The following GRIN2A variants were observed in gnomAD, a reference collection of about 807,000 sequenced individuals.
GRIN2A encodes the protein glutamate ionotropic receptor NMDA type subunit 2A, also known as glutamate receptor ionotropic, NMDA 2A.
Under a neutral mutation model 113.4 loss-of-function variants are expected in GRIN2A, and 22 were observed. That is an observed-to-expected ratio of 0.19 (90% confidence interval 0.14 to 0.28). GRIN2A has a LOEUF of 0.28. Ranked by LOEUF, GRIN2A falls within the 10% of genes least tolerant of loss-of-function variation. The probability of loss-of-function intolerance (pLI) is 1.00; values close to 1 mark genes in which losing one functional copy is unlikely to be tolerated. For synonymous variants in GRIN2A, 827 were observed against 738.4 expected, an observed-to-expected ratio of 1.12 and a Z score of -1.94; for missense variants, 1,502 against 1,887.0, an observed-to-expected ratio of 0.80 and a Z score of 3.78.
chr16:9,806,848 G>A (rs2041979058), intron 10 of GRIN2A, among the ~76,000 whole-genome samples: 1 of 152,046 alleles, frequency 6.6e-6, no homozygotes, highest in African/African-American at 2.4e-5. Context: ...GTTTGTCTGT[G>A]TGCCCACCCA....
chr16:10,109,692 T>G (rs12918566), intron 2 of GRIN2A, among the ~76,000 whole-genome samples: 99,624 of 150,352 alleles, frequency 0.66, 34,056 homozygotes, highest in Admixed American at 0.75. Context: ...GGCACAACAG[T>G]GTGACTATAG....
chr16:10,143,620 A>G (rs1194803489), intron 2 of GRIN2A, among the ~76,000 whole-genome samples: 1 of 152,196 alleles, frequency 6.6e-6, no homozygotes, highest in Non-Finnish European at 1.5e-5. Context: ...TGAGATTTGC[A>G]TTAAAATAAT....
At chr16:9,884,234 C>A (rs528139276) in intron 4 of GRIN2A, among the ~76,000 whole-genome samples, 3 of 152,094 alleles carry the variant, frequency 2.0e-5, no homozygotes, top group Non-Finnish European at 4.4e-5. Flanking sequence ...TATGCATAAA[C>A]ACACATATAT....
At chr16:10,076,110 C>G (rs547141201) in intron 2 of GRIN2A, among the ~76,000 whole-genome samples, 12 of 152,292 alleles carry the variant, frequency 7.9e-5, no homozygotes, top group African/African-American at 2.6e-4. Flanking sequence ...GGACATAGGG[C>G]TAACCAGACC....
intron 2 of GRIN2A, among the ~76,000 whole-genome samples, chr16:9,998,993 G>C (rs548563241): frequency 6.6e-6 from 1 of 152,154 alleles, no homozygotes; most frequent in African/African-American, 2.4e-5. Flanking sequence ...TCAGCTCAGA[G>C]CCAATGGAAG....
chr16:9,971,366 G>A (rs929165630), intron 2 of GRIN2A, among the ~76,000 whole-genome samples: 2 of 152,164 alleles, frequency 1.3e-5, no homozygotes, highest in Non-Finnish European at 2.9e-5. Flanking sequence ...AGTGAGCTAC[G>A]CCCCCAAGCC....
At chr16:10,114,180 G>A (rs1051954864) in intron 2 of GRIN2A, among the ~76,000 whole-genome samples, 2 of 152,098 alleles carry the variant, frequency 1.3e-5, no homozygotes. Flanking sequence ...AACAGAGCAA[G>A]ACCCTGCCTC....
At chr16:9,957,288 C>T (rs1376350736) in intron 2 of GRIN2A, among the ~76,000 whole-genome samples, 1 of 152,100 alleles carries the variant, frequency 6.6e-6, no homozygotes, top group African/African-American at 2.4e-5. Flanking sequence ...AAGGGAGCTG[C>T]CCATGTTCAG....
intron 2 of GRIN2A, among the ~76,000 whole-genome samples, chr16:10,079,976 C>T (rs2047948142): frequency 6.6e-6 from 1 of 152,204 alleles, no homozygotes; most frequent in Non-Finnish European, 1.5e-5. Flanking sequence ...ACCCTCTGTG[C>T]AATGCTGCTC....
chr16:9,764,405 T>C lies in GRIN2A; in HGVS notation c.3139A>G (p.Lys1047Glu), dbSNP rs1555482653. 1 of 1,614,008 alleles carries C rather than the reference T, an allele frequency of 6.2e-7. No individual in the cohort carries two copies. Among genetic ancestry groups the C allele is most frequent in the Non-Finnish European group, 8.5e-7 (1 of 1,179,992 alleles). Residue 1047 changes from lysine (K) to glutamate (E), a missense_variant, in exon 13 of 13, where the codon AAG becomes GAG. Around this residue, in one of 7 missense-constraint regions of GRIN2A, gnomAD observed 832 missense variants for 789.7 expected, o/e 1.05. Coordinates refer to ENST00000330684, the MANE Select transcript of GRIN2A (RefSeq NM_001134407.3). ...ATAENRTHSL[K>E]SPRYLPEEMA... is the part of the protein sequence containing the mutation. ...TCTTCTGGAAGATACCTAGGGCTCT[T>C]TAGGGAGTGGGTCCTATTCTCTGCT...
chr16:10,180,356 C>T lies in GRIN2A; in HGVS notation c.56G>A (p.Arg19His), dbSNP rs1302734897. ...CGCCGCCGCGCTCGGCGCCGGACCG[C>T]GCCAGACCAGAAGGGCCGGCAGCAC... The part of the protein sequence containing the change: ...LLVLPALLVW[R>H]GPAPSAAAEK... The change falls in exon 2 of 13, where the codon CGC becomes CAC. Residue 19 changes from arginine (R) to histidine (H), a missense_variant. This residue lies in a region of GRIN2A where 149 missense variants were observed against 179.1 expected (regional missense o/e 0.83). Transcript: ENST00000330684. This position sits in a 1 kb window ranked among gnomAD's most constrained non-coding sequence, Gnocchi z 7.0. 4.4e-6 allele frequency: 7 copies of T among 1,608,352 alleles called. No individual in the cohort carries two copies. The East Asian group carries it at 1.1e-4, about 26-fold the overall frequency.
chr16:10,079,368 G>A (rs889560804), intron 2 of GRIN2A, among the ~76,000 whole-genome samples: 1 of 152,204 alleles, frequency 6.6e-6, no homozygotes, highest in Admixed American at 6.5e-5. Context: ...CCTGAAGAAT[G>A]AGATGGAGAC....
At chr16:9,813,392 C>G (rs1412297818) in intron 10 of GRIN2A, among the ~76,000 whole-genome samples, 1 of 152,108 alleles carries the variant, frequency 6.6e-6, no homozygotes, top group Non-Finnish European at 1.5e-5. Flanking sequence ...TTTTTTCTAG[C>G]TATTGCAAGT....
chr16:10,022,459 G>T (rs1336317058), intron 2 of GRIN2A, among the ~76,000 whole-genome samples: 2 of 152,120 alleles, frequency 1.3e-5, no homozygotes, highest in Admixed American at 6.5e-5. Flanking sequence ...TCCTTCACCT[G>T]TGGAGGTTTA....
chr16:10,168,766 G>A (rs1001628450), intron 2 of GRIN2A, among the ~76,000 whole-genome samples: 1 of 152,084 alleles, frequency 6.6e-6, no homozygotes, highest in Non-Finnish European at 1.5e-5. Context: ...AGGAGTTCAA[G>A]ACCAGCCTGG....
At chr16:9,860,293 T>C (rs746307783) in intron 4 of GRIN2A, among the ~76,000 whole-genome samples, 7 of 151,338 alleles carry the variant, frequency 4.6e-5, no homozygotes, top group Admixed American at 2.0e-4. Context: ...CCATCTGTAC[T>C]AAAAATACAA....
chr16:10,015,051 C>T (rs1210212318), intron 2 of GRIN2A, among the ~76,000 whole-genome samples: 2 of 151,524 alleles, frequency 1.3e-5, no homozygotes, highest in Admixed American at 6.6e-5. Flanking sequence ...ATCAGGAGTT[C>T]GGGACCAGCC....
At chr16:9,947,607 C>T (rs1354629573) in intron 2 of GRIN2A, among the ~76,000 whole-genome samples, 4 of 152,204 alleles carry the variant, frequency 2.6e-5, no homozygotes, top group African/African-American at 7.2e-5. Context: ...CTCCAAACAG[C>T]TCTGAATGCT....
chr16:10,034,997 C>G (rs12102565), intron 2 of GRIN2A, among the ~76,000 whole-genome samples: 1 of 152,188 alleles, frequency 6.6e-6, no homozygotes, highest in South Asian at 2.1e-4. Context: ...TCCTTTACAA[C>G]ATGACAACAT....
Sources: allele counts gnomAD v4.1 joint callset (sites outside exome capture counted in the v4.1 genomes callset), GRCh38; gene constraint gnomAD v4.1.1; regional missense constraint gnomAD v4.1.1; non-coding constraint Gnocchi (gnomAD v3.1); transcripts MANE v1.5; gene names NCBI Gene and HGNC (gene_info 2026-07-23, HGNC 2026-07-21).